The following KCNQ3 variants were observed in gnomAD, a reference collection of about 807,000 sequenced individuals.
KCNQ3 encodes potassium voltage-gated channel subfamily KQT member 3.
In KCNQ3, 30 loss-of-function variants were observed where a neutral mutation model predicts 92.5. The observed-to-expected ratio is 0.32, with a 90% CI of 0.24 to 0.44. The LOEUF is 0.44. Among genes scored for constraint, KCNQ3 ranks in the 20% least tolerant of loss-of-function variants. The pLI is 1.00. For synonymous variants in KCNQ3, 450 were observed against 468.8 expected (o/e 0.96, Z 0.52); for missense variants, 913 against 1,140.3 (o/e 0.80, Z 2.87).
intron 1 of KCNQ3, among the ~76,000 whole-genome samples, chr8:132,247,811 AAGAC>A (rs1815234629): frequency 6.6e-6 from 1 of 152,020 alleles, no homozygotes; most frequent in African/African-American, 2.4e-5. Context: ...AAAAAAAAAA[AAGAC>A]AGAATATTTC....
chr8:132,386,843 G>A (rs902314999), intron 1 of KCNQ3, among the ~76,000 whole-genome samples: 1 of 151,996 alleles, frequency 6.6e-6, no homozygotes, highest in Non-Finnish European at 1.5e-5. Context: ...TGACTCTAAG[G>A]AAAAACAGAA....
At chr8:132,397,854 A>C (rs373143186) in intron 1 of KCNQ3, among the ~76,000 whole-genome samples, 6 of 152,218 alleles carry the variant, frequency 3.9e-5, no homozygotes, top group East Asian at 3.8e-4. Flanking sequence ...ATCTTCAGCT[A>C]AATGCCAACT....
chr8:132,315,472 G>A (rs1435045754), intron 1 of KCNQ3, among the ~76,000 whole-genome samples: 3 of 152,128 alleles, frequency 2.0e-5, no homozygotes, highest in Admixed American at 6.5e-5. Flanking sequence ...TGAAGGAGCT[G>A]AGCTATGACC....
intron 1 of KCNQ3, among the ~76,000 whole-genome samples, chr8:132,201,427 T>A (rs1173662407): frequency 6.6e-6 from 1 of 152,116 alleles, no homozygotes; most frequent in African/African-American, 2.4e-5. Flanking sequence ...CACAGCACAA[T>A]TCATCCTGAG....
At chr8:132,396,652 G>A (rs1317789534) in intron 1 of KCNQ3, among the ~76,000 whole-genome samples, 2 of 152,060 alleles carry the variant, frequency 1.3e-5, no homozygotes, top group Non-Finnish European at 2.9e-5. Flanking sequence ...CTGCCTCTGC[G>A]TACCCACACC....
At chr8:132,274,121 T>G (rs1312879219) in intron 1 of KCNQ3, among the ~76,000 whole-genome samples, 1 of 152,170 alleles carries the variant, frequency 6.6e-6, no homozygotes, top group African/African-American at 2.4e-5. Flanking sequence ...TTTACTGTAT[T>G]AGCCCATTTT....
chr8:132,317,821 A>C (rs1210290774), intron 1 of KCNQ3, among the ~76,000 whole-genome samples: 1 of 152,176 alleles, frequency 6.6e-6, no homozygotes, highest in Non-Finnish European at 1.5e-5. Flanking sequence ...TGGTCAATAG[A>C]TTCATGCTCA....
chr8:132,127,550 G>T lies in KCNQ3; in HGVS notation c.*1712C>A, dbSNP rs1824711587. The T allele has an allele frequency of 6.6e-6, 1 of 152,198 alleles. No homozygotes were observed. Among genetic ancestry groups the T allele is most frequent in the Non-Finnish European group, 1.5e-5 (1 of 68,042 alleles). The allele number at this position is 152,198 out of a possible 1,614,324, so 9.4% of individuals were successfully genotyped here. A position where few individuals can be genotyped will look rare whatever the true frequency, so the allele number is the denominator to read the frequency against. On this transcript the variant is annotated 3_prime_UTR_variant, in exon 15 of 15. Coordinates refer to ENST00000388996, the MANE Select transcript of KCNQ3 (RefSeq NM_004519.4). ...AACCATCAACCAAATGTCTGCCATA[G>T]CTACTGTGGCTCTTGACAAGACTGT...
chr8:132,143,616 A>T (rs933037475), intron 9 of KCNQ3, among the ~76,000 whole-genome samples: 3 of 152,208 alleles, frequency 2.0e-5, no homozygotes, highest in African/African-American at 7.2e-5. Context: ...GATGACCATA[A>T]GCCCATGCTT....
intron 1 of KCNQ3, among the ~76,000 whole-genome samples, chr8:132,279,043 C>CT (rs1404693546): frequency 6.6e-6 from 1 of 151,984 alleles, no homozygotes; most frequent in Non-Finnish European, 1.5e-5. Flanking sequence ...TGATGAAACC[C>CT]CGTCTCTACT....
rs146499440 is a variant in KCNQ3 at position 132,395,675 on chromosome 8, A to T, written c.386+84472T>A. On this transcript the variant is annotated intron_variant, in intron 1 of 14. Transcript: ENST00000388996. ...TAAAGAGATTTCTCATTCACCAGGC[A>T]TTCTGGAGCTTCTACAATGATATGC... Among the ~76,000 whole-genome samples the T allele has an allele frequency of 1.1e-3, 174 of 152,346 alleles. 1 individual carries two copies. Among genetic ancestry groups the T allele is most frequent in the African/African-American group, 4.1e-3 (171 of 41,592 alleles).
chr8:132,306,370 T>C (rs1357018180), intron 1 of KCNQ3, among the ~76,000 whole-genome samples: 1 of 152,190 alleles, frequency 6.6e-6, no homozygotes, highest in African/African-American at 2.4e-5. Context: ...AAGAAAAACT[T>C]GGCCAAAAAA....
intron 1 of KCNQ3, among the ~76,000 whole-genome samples, chr8:132,317,752 T>C (rs1410072132): frequency 1.3e-5 from 2 of 152,154 alleles, no homozygotes; most frequent in Non-Finnish European, 2.9e-5. Flanking sequence ...GTGAAGTGCT[T>C]TGCCCCGAAC....
chr8:132,254,523 T>A (rs4736411), intron 1 of KCNQ3, among the ~76,000 whole-genome samples: 13,343 of 152,288 alleles, frequency 0.088, 667 homozygotes, highest in South Asian at 0.14. Context: ...AGATTGTGGA[T>A]CTCCTTGAGG....
chr8:132,429,377 C>T (rs182611948), intron 1 of KCNQ3, among the ~76,000 whole-genome samples: 1 of 152,276 alleles, frequency 6.6e-6, no homozygotes, highest in Non-Finnish European at 1.5e-5. Flanking sequence ...AAAACTAAGA[C>T]AGAAAAGATA....
chr8:132,260,437 G>A (rs1425830443), intron 1 of KCNQ3, among the ~76,000 whole-genome samples: 2 of 152,068 alleles, frequency 1.3e-5, no homozygotes, highest in South Asian at 2.1e-4. Context: ...TTCTTGAGGA[G>A]CTTACATTCC....
intron 1 of KCNQ3, among the ~76,000 whole-genome samples, chr8:132,270,413 CCTT>C (rs1421762098): frequency 2.0e-4 from 30 of 152,196 alleles, no homozygotes; most frequent in Admixed American, 1.8e-3. Context: ...CTAAGGCTGT[CCTT>C]CTAAGAACTG....
intron 1 of KCNQ3, among the ~76,000 whole-genome samples, chr8:132,421,630 A>G (rs1464008630): frequency 1.3e-5 from 2 of 151,928 alleles, no homozygotes; most frequent in East Asian, 1.9e-4. Context: ...TTTCTTTTTT[A>G]ACCTCAACTG....
intron 11 of KCNQ3, among the ~76,000 whole-genome samples, chr8:132,139,677 A>G (rs1825221000): frequency 1.3e-5 from 2 of 152,240 alleles, no homozygotes; most frequent in South Asian, 4.1e-4. Flanking sequence ...CGAACTAATT[A>G]AAACAAACTA....
Sources: allele counts gnomAD v4.1 joint callset (sites outside exome capture counted in the v4.1 genomes callset), GRCh38; gene constraint gnomAD v4.1.1; transcripts MANE v1.5; gene names NCBI Gene and HGNC (gene_info 2026-07-23, HGNC 2026-07-21).